The following MAF variants were observed in gnomAD, a reference collection of about 807,000 sequenced individuals.
MAF encodes the protein transcription factor Maf.
MAF carries 10 observed loss-of-function variants against 22.0 expected under a neutral mutation model. That is an observed-to-expected ratio of 0.45 (90% confidence interval 0.28 to 0.77). The LOEUF is 0.77. Ranked by LOEUF, MAF falls within the 30% of genes least tolerant of loss-of-function variation. MAF has a pLI of 0.12. For synonymous variants in MAF, 337 were observed against 255.8 expected (o/e 1.32, Z -3.03); for missense variants, 544 against 548.4 (o/e 0.99, Z 0.08).
At chr16:79,481,656 C>G in the MAF span, among the ~76,000 whole-genome samples, 1 of 152,070 alleles carries the variant, frequency 6.6e-6, no homozygotes, top group Non-Finnish European at 1.5e-5. Context: ...ATCCACTCAT[C>G]CACCTATGCA....
the MAF span, among the ~76,000 whole-genome samples, chr16:79,303,349 G>T: frequency 6.6e-6 from 1 of 152,200 alleles, no homozygotes; most frequent in East Asian, 1.9e-4. Context: ...GCTTATGATA[G>T]CTTCAGAGCC....
At chr16:79,419,276 G>A in the MAF span, among the ~76,000 whole-genome samples, 1 of 152,190 alleles carries the variant, frequency 6.6e-6, no homozygotes, top group Non-Finnish European at 1.5e-5. Context: ...TGAAAGGAAG[G>A]AAATGACAGA....
the MAF span, among the ~76,000 whole-genome samples, chr16:79,453,514 A>G: frequency 6.6e-6 from 1 of 152,236 alleles, no homozygotes; most frequent in Non-Finnish European, 1.5e-5. Flanking sequence ...TTAAGTATTC[A>G]TACACTACTA....
chr16:79,232,335 T>C, the MAF span, among the ~76,000 whole-genome samples: 1 of 152,144 alleles, frequency 6.6e-6, no homozygotes, highest in Admixed American at 6.6e-5. Context: ...TACCTTCACA[T>C]GTAAACACTT....
chr16:79,526,455 G>A, the MAF span, among the ~76,000 whole-genome samples: 122 of 152,272 alleles, frequency 8.0e-4, no homozygotes, highest in African/African-American at 2.8e-3. Context: ...CTTTGCTGCT[G>A]CTTACTTCCT....
At chr16:79,375,586 A>G in the MAF span, among the ~76,000 whole-genome samples, 1 of 152,128 alleles carries the variant, frequency 6.6e-6, no homozygotes, top group African/African-American at 2.4e-5. Context: ...ATGATGATAT[A>G]TTAATGATGA....
chr16:79,264,774 T>C, the MAF span, among the ~76,000 whole-genome samples: 1 of 152,142 alleles, frequency 6.6e-6, no homozygotes, highest in Non-Finnish European at 1.5e-5. Context: ...GCAGCCCACC[T>C]CACCCCACCA....
At chr16:79,359,777 C>T in the MAF span, among the ~76,000 whole-genome samples, 1 of 152,178 alleles carries the variant, frequency 6.6e-6, no homozygotes, top group African/African-American at 2.4e-5. Context: ...ACTCATCTTT[C>T]ATCTTAAAAG....
the MAF span, among the ~76,000 whole-genome samples, chr16:79,464,807 G>T: frequency 7.2e-5 from 11 of 152,188 alleles, no homozygotes; most frequent in Admixed American, 6.5e-4. Flanking sequence ...TTCCAGGACA[G>T]GTTACAGCAG....
At chr16:79,231,934 C>T in the MAF span, among the ~76,000 whole-genome samples, 1 of 152,006 alleles carries the variant, frequency 6.6e-6, no homozygotes, top group African/African-American at 2.4e-5. Flanking sequence ...GAAGCAGTGA[C>T]AGATCATCAT....
At chr16:79,504,417 G>A in the MAF span, among the ~76,000 whole-genome samples, 2 of 152,268 alleles carry the variant, frequency 1.3e-5, no homozygotes, top group East Asian at 1.9e-4. Context: ...GCATAACTTC[G>A]ACAAGTTACT....
At chr16:79,214,013 C>T in the MAF span, among the ~76,000 whole-genome samples, 1 of 152,176 alleles carries the variant, frequency 6.6e-6, no homozygotes, top group Admixed American at 6.5e-5. Context: ...CAAGCACACT[C>T]CCAACTCAAG....
the MAF span, chr16:79,206,823 C>T: frequency 6.6e-6 from 1 of 151,098 alleles, no homozygotes; most frequent in African/African-American, 2.4e-5. Context: ...GGCCTATGAG[C>T]CTCATTCCTG....
chr16:79,245,982 T>C, the MAF span, among the ~76,000 whole-genome samples: 1 of 152,026 alleles, frequency 6.6e-6, no homozygotes, highest in East Asian at 1.9e-4. Context: ...CCGCATGTTC[T>C]GACTCAAAAG....
At chr16:79,506,046 G>C in the MAF span, among the ~76,000 whole-genome samples, 1 of 152,038 alleles carries the variant, frequency 6.6e-6, no homozygotes, top group African/African-American at 2.4e-5. Flanking sequence ...AGGAGAAGTC[G>C]TCATTTTTTC....
At chr16:79,429,087 G>A in the MAF span, among the ~76,000 whole-genome samples, 1 of 152,248 alleles carries the variant, frequency 6.6e-6, no homozygotes, top group South Asian at 2.1e-4. Flanking sequence ...GCCGATTGGA[G>A]GTAATTACGT....
the MAF span, among the ~76,000 whole-genome samples, chr16:79,517,996 T>C: frequency 2.9e-3 from 436 of 152,338 alleles, 1 homozygote; most frequent in Non-Finnish European, 4.4e-3. Flanking sequence ...TCAACAGTAG[T>C]TGCTTTTCCT....
chr16:79,447,714 C>T, the MAF span, among the ~76,000 whole-genome samples: 1 of 151,694 alleles, frequency 6.6e-6, no homozygotes, highest in Non-Finnish European at 1.5e-5. Flanking sequence ...TCATGAACGA[C>T]TAAAGGGTTC....
At chr16:79,212,053 A>C in the MAF span, 1 of 1,536,304 alleles carries the variant, frequency 6.5e-7, no homozygotes, top group South Asian at 1.2e-5. Flanking sequence ...TGAAAGTAAA[A>C]ACCTGCTTGG....
Sources: allele counts gnomAD v4.1 joint callset (sites outside exome capture counted in the v4.1 genomes callset), GRCh38; gene constraint gnomAD v4.1.1; transcripts MANE v1.5; gene names NCBI Gene and HGNC (gene_info 2026-07-23, HGNC 2026-07-21).